INPP4B: variants seen among roughly 807,000 people sequenced by gnomAD.
INPP4B encodes inositol polyphosphate 4-phosphatase type II.
Under a neutral mutation model 122.5 loss-of-function variants are expected in INPP4B, and 55 were observed. The ratio of observed to expected loss-of-function variants is 0.45; its 90% CI spans 0.36 to 0.56. INPP4B has a LOEUF of 0.56. INPP4B is among the 20% of genes least tolerant of loss of function. INPP4B has a pLI of 0.00. For missense variants in INPP4B, 1,000 were observed against 1,097.7 expected, an observed-to-expected ratio of 0.91 and a Z score of 1.26; for synonymous variants, 403 against 388.7, an observed-to-expected ratio of 1.04 and a Z score of -0.43.
intron 2 of INPP4B, among the ~76,000 whole-genome samples, chr4:142,551,367 C>T (rs1325920379): frequency 6.6e-6 from 1 of 152,098 alleles, no homozygotes; most frequent in East Asian, 1.9e-4. Context: ...ACTTGTGGGG[C>T]CATTTTCCTT....
At chr4:142,219,327 AAAAAATGAAGAACAATAAGTATGT>A (rs1848485845) in intron 12 of INPP4B, among the ~76,000 whole-genome samples, 1 of 152,212 alleles carries the variant, frequency 6.6e-6, no homozygotes, top group Admixed American at 6.5e-5. Flanking sequence ...CTGCATTAGA[AAAAAATGAAGAACAATAAGTATGT>A]CTTTTTCCAG....
intron 1 of INPP4B, among the ~76,000 whole-genome samples, chr4:142,835,670 ATTGTGTTTGGTTGT>A (rs1401809823): frequency 6.6e-6 from 1 of 152,184 alleles, no homozygotes; most frequent in Non-Finnish European, 1.5e-5. Context: ...TGTTTGCTGC[ATTGTGTTTGGTTGT>A]TATACAAAGT....
chr4:142,691,470 G>A (rs777524744), intron 2 of INPP4B, among the ~76,000 whole-genome samples: 5 of 151,792 alleles, frequency 3.3e-5, no homozygotes, highest in Non-Finnish European at 7.4e-5. Context: ...AAACTATGAT[G>A]TACCTTTATA....
chr4:142,633,165 T>A (rs1351026818), intron 2 of INPP4B, among the ~76,000 whole-genome samples: 1 of 151,938 alleles, frequency 6.6e-6, no homozygotes, highest in African/African-American at 2.4e-5. Flanking sequence ...GGACACTTCA[T>A]AACAACAAAA....
At chr4:142,544,363 C>G (rs1829307311) in intron 2 of INPP4B, among the ~76,000 whole-genome samples, 2 of 151,898 alleles carry the variant, frequency 1.3e-5, no homozygotes, top group Non-Finnish European at 2.9e-5. Flanking sequence ...AGAGGTGCTT[C>G]TTCTCAGTGG....
intron 2 of INPP4B, among the ~76,000 whole-genome samples, chr4:142,545,691 A>ATGTGTG (rs1356913209): frequency 8.3e-6 from 1 of 120,000 alleles, no homozygotes; most frequent in Non-Finnish European, 1.7e-5. Context: ...ATACACACAT[A>ATGTGTG]TATATGTGTA....
chr4:142,162,698 T>G (rs1316547061), intron 16 of INPP4B, among the ~76,000 whole-genome samples: 1 of 151,940 alleles, frequency 6.6e-6, no homozygotes, highest in Non-Finnish European at 1.5e-5. Flanking sequence ...CATGCAGAGA[T>G]TCCACTTCAT....
chr4:142,629,922 T>G (rs1011288206), intron 2 of INPP4B, among the ~76,000 whole-genome samples: 1 of 152,040 alleles, frequency 6.6e-6, no homozygotes, highest in African/African-American at 2.4e-5. Context: ...GGATGTAGGA[T>G]TTAAGCCAAA....
chr4:142,192,716 C>A (rs1836530959), intron 15 of INPP4B, among the ~76,000 whole-genome samples: 1 of 152,110 alleles, frequency 6.6e-6, no homozygotes, highest in Non-Finnish European at 1.5e-5. Context: ...GGGTAAAAAT[C>A]ATAAATTAGG....
intron 2 of INPP4B, among the ~76,000 whole-genome samples, chr4:142,657,995 A>G (rs1754472624): frequency 6.6e-6 from 1 of 152,234 alleles, no homozygotes; most frequent in Non-Finnish European, 1.5e-5. Flanking sequence ...GATTGCCAAA[A>G]TGTTATTCAA....
chr4:142,644,584 T>A (rs1751298159), intron 2 of INPP4B, among the ~76,000 whole-genome samples: 1 of 151,626 alleles, frequency 6.6e-6, no homozygotes, highest in Admixed American at 6.6e-5. Flanking sequence ...AAATTTTTAT[T>A]CATTCTGTGA....
chr4:142,592,742 C>T (rs1269697472), intron 2 of INPP4B, among the ~76,000 whole-genome samples: 2 of 151,986 alleles, frequency 1.3e-5, no homozygotes, highest in Non-Finnish European at 2.9e-5. Context: ...CAGGAAAGAC[C>T]TTGAAATAAG....
At chr4:142,805,349 T>A (rs1370488751) in intron 1 of INPP4B, among the ~76,000 whole-genome samples, 1 of 152,118 alleles carries the variant, frequency 6.6e-6, no homozygotes, top group Non-Finnish European at 1.5e-5. Context: ...TAGAAAGACA[T>A]AATAAATAGA....
chr4:142,494,869 C>A (rs897506695), intron 2 of INPP4B, among the ~76,000 whole-genome samples: 3 of 152,176 alleles, frequency 2.0e-5, no homozygotes, highest in Non-Finnish European at 4.4e-5. Flanking sequence ...AATATCTCTT[C>A]TTTTGCTCCA....
chr4:142,821,973 G>C (rs1780847984), intron 1 of INPP4B, among the ~76,000 whole-genome samples: 1 of 152,146 alleles, frequency 6.6e-6, no homozygotes, highest in African/African-American at 2.4e-5. Context: ...AAAGGCCAGG[G>C]TGAGAAGTGA....
intron 1 of INPP4B, among the ~76,000 whole-genome samples, chr4:142,754,525 CT>C (rs1402465063): frequency 7.9e-5 from 12 of 151,882 alleles, no homozygotes; most frequent in African/African-American, 2.7e-4. Context: ...TTTAAAAATT[CT>C]TGGAGTAGCA....
chr4:142,687,594 A>G (rs1759548704), intron 2 of INPP4B, among the ~76,000 whole-genome samples: 2 of 151,936 alleles, frequency 1.3e-5, no homozygotes, highest in African/African-American at 4.8e-5. Context: ...CCTTGAAGGA[A>G]AAACGGAAGC....
chr4:142,416,767 C>T (rs1402830991), intron 5 of INPP4B, among the ~76,000 whole-genome samples: 1 of 152,076 alleles, frequency 6.6e-6, no homozygotes, highest in African/African-American at 2.4e-5. Context: ...TCTGTGTAGG[C>T]AAAAGACAAT....
chr4:142,804,148 C>T (rs13112871), intron 1 of INPP4B, among the ~76,000 whole-genome samples: 8,396 of 151,932 alleles, frequency 0.055, 404 homozygotes, highest in African/African-American at 0.13. Context: ...AATAGCTCAT[C>T]GTGACCAGAT....
Sources: allele counts gnomAD v4.1 joint callset (sites outside exome capture counted in the v4.1 genomes callset), GRCh38; gene constraint gnomAD v4.1.1; transcripts MANE v1.5; gene names NCBI Gene and HGNC (gene_info 2026-07-23, HGNC 2026-07-21).